ERCC1: variants seen among roughly 807,000 people sequenced by gnomAD.
ERCC1 encodes DNA excision repair protein ERCC-1.
In ERCC1, 36 loss-of-function variants were observed where a neutral mutation model predicts 37.6. That is an observed-to-expected ratio of 0.96 (90% CI 0.73 to 1.26). The LOEUF (loss-of-function observed/expected upper bound fraction) is 1.26, where lower values mean the gene tolerates loss of function less well. Among genes scored for constraint, ERCC1 ranks in the 50% most tolerant of loss-of-function variants. The pLI, the probability that ERCC1 is intolerant of heterozygous loss-of-function variation, is 0.00. For synonymous variants in ERCC1, 156 were observed against 162.1 expected, an observed-to-expected ratio of 0.96 and a Z score of 0.28; for missense variants, 349 against 376.5, an observed-to-expected ratio of 0.93 and a Z score of 0.60.
chr19:45,415,959 G>C (rs1974046202), intron 6 of ERCC1: 11 of 348,498 alleles, frequency 3.2e-5, no homozygotes, highest in South Asian at 2.3e-4. Context: ...AACATAGCAA[G>C]GTGTTGTCTC....
rs571820243 is a variant in ERCC1 at position 45,420,111 on chromosome 19, C to T, written c.425+213G>A. Reference sequence around the variant, plus strand: ...GGAGTCCGGCCCCCAGCCCCTCCTTCCTGAGACCCAGGAGTTCGGGCTCCA... The same window carrying T: ...GGAGTCCGGCCCCCAGCCCCTCCTTTCTGAGACCCAGGAGTTCGGGCTCCA... On this transcript the variant is annotated intron_variant, in intron 4 of 9. Coordinates refer to ENST00000300853, the MANE Select transcript of ERCC1 (RefSeq NM_001983.4). This position sits in a 1 kb window ranked among gnomAD's most constrained non-coding sequence, Gnocchi z 4.8. Among the ~76,000 whole-genome samples the T allele has an allele frequency of 1.7e-3, 253 of 152,146 alleles. No individual in the cohort carries two copies. Among genetic ancestry groups the T allele is most frequent in the African/African-American group, 6.0e-3 (247 of 41,510 alleles).
At chr19:45,422,760 A>AAAATAAATAAAT (rs369407760) in intron 2 of ERCC1, among the ~76,000 whole-genome samples, 17 of 151,854 alleles carry the variant, frequency 1.1e-4, no homozygotes, top group African/African-American at 3.9e-4. Flanking sequence ...CTGTCTCAAA[A>AAAATAAATAAAT]AAATAAATAA....
chr19:45,430,109 C>T (rs934372890), intron 1 of ERCC1, among the ~76,000 whole-genome samples: 15 of 152,280 alleles, frequency 9.9e-5, no homozygotes, highest in Middle Eastern at 3.4e-3. Flanking sequence ...ATAAAAACTC[C>T]GTGACCCACT....
chr19:45,417,941 C>T (rs556952110), intron 5 of ERCC1, among the ~76,000 whole-genome samples: 2 of 152,238 alleles, frequency 1.3e-5, no homozygotes, highest in East Asian at 1.9e-4. Context: ...ATCCTCCTGC[C>T]TCAGCCTCTC....
chr19:45,428,445 C>T (rs1364919448), upstream of ERCC1, among the ~76,000 whole-genome samples: 4 of 152,122 alleles, frequency 2.6e-5, no homozygotes, highest in South Asian at 2.1e-4. Context: ...TCGAATCTCC[C>T]CGGCTCCCAG....
At chr19:45,432,372 G>A (rs1240498272) in intron 1 of ERCC1, among the ~76,000 whole-genome samples, 2 of 151,512 alleles carry the variant, frequency 1.3e-5, no homozygotes, top group Admixed American at 6.6e-5. Context: ...TCAAACTCAA[G>A]CGATACTTCC....
intron 1 of ERCC1, among the ~76,000 whole-genome samples, chr19:45,445,951 T>C (rs890453609): frequency 2.6e-5 from 4 of 152,096 alleles, no homozygotes; most frequent in Admixed American, 6.6e-5. Context: ...TGCAATGGCG[T>C]GGTCTCGGCT....
At chr19:45,414,246 C>T (rs1483559557) in intron 7 of ERCC1, 11 of 601,024 alleles carry the variant, frequency 1.8e-5, no homozygotes, top group Admixed American at 7.7e-5. Flanking sequence ...GAGGCCGAGG[C>T]GGGAGGATCA....
intron 9 of ERCC1, 128 bp from the exon 10 acceptor site, chr19:45,409,853 ACAAT>A: frequency 1.6e-6 from 1 of 634,902 alleles, no homozygotes; most frequent in Non-Finnish European, 2.9e-6. Context: ...TGAGTTACAA[ACAAT>A]CCAGTTACAA....
At chr19:45,432,855 T>A (rs1215503090) in intron 1 of ERCC1, among the ~76,000 whole-genome samples, 1 of 151,966 alleles carries the variant, frequency 6.6e-6, no homozygotes, top group East Asian at 1.9e-4. Flanking sequence ...TCACGTGAGG[T>A]TGGGAGTTCG....
chr19:45,413,728 G>C lies in ERCC1; in HGVS notation c.792C>G (p.Ile264Met), dbSNP rs3212976. The change falls in exon 9 of 10, where the codon ATC becomes ATG. Residue 264 changes from isoleucine to methionine, a missense_variant. By Grantham distance (10) the Ile-to-Met change is conservative. Coordinates refer to ENST00000300853, the MANE Select transcript of ERCC1 (RefSeq NM_001983.4). ...AGGCCAGATCTTCTCTTGATGCGGCGATGAGCTGTTCCAGAGACTGAAAGG... is the reference window on the plus strand; with the variant it reads ...AGGCCAGATCTTCTCTTGATGCGGCCATGAGCTGTTCCAGAGACTGAAAGG... ...LTTFGSLEQL[I>M]AASREDLALC... is the part of the protein sequence containing the mutation. The C allele has an allele frequency of 6.2e-7, 1 of 1,613,594 alleles. No homozygotes were observed. The highest frequency in any genetic ancestry group is 1.3e-5 in the African/African-American group (1 of 74,928).
intron 2 of ERCC1, among the ~76,000 whole-genome samples, chr19:45,422,872 T>G (rs1974524727): frequency 6.6e-6 from 1 of 152,234 alleles, no homozygotes; most frequent in African/African-American, 2.4e-5. Flanking sequence ...ACCCGTCGAT[T>G]GTTTTCCCTT....
Position 45,418,893 on chromosome 19 carries a change from G to T in ERCC1, c.525+205C>A, listed in dbSNP as rs190449762. On this transcript the variant is annotated intron_variant, in intron 5 of 9. Transcript: ENST00000300853. ...AGGTGGCAGAGATCTGGGACTAATT[G>T]AAGGGGATGTGGGGAAAGAGGAAAT... 2.0e-5 allele frequency among the ~76,000 whole-genome samples: 3 copies of T among 152,302 alleles called. No individual in the cohort carries two copies. The East Asian group carries it at 5.8e-4, about 29-fold the overall frequency.
chr19:45,414,965 G>A lies in ERCC1; in HGVS notation c.603-5C>T, dbSNP rs781207666. On this transcript the variant is annotated splice_polypyrimidine_tract_variant and splice_region_variant and intron_variant, in intron 6 of 9. Coordinates refer to ENST00000300853, the MANE Select transcript of ERCC1 (RefSeq NM_001983.4). ...TACCGCCCAGCTTCCTCGGGGCTGG[G>A]ATAACAGGATACAGGGCAGCCGGGA... The A allele has an allele frequency of 5.0e-6, 8 of 1,608,594 alleles. No homozygotes were observed. In the African/African-American group the frequency reaches 5.3e-5, roughly 11 times the overall value.
intron 1 of ERCC1, among the ~76,000 whole-genome samples, chr19:45,446,899 G>A (rs1052763533): frequency 6.6e-6 from 1 of 152,158 alleles, no homozygotes; most frequent in Non-Finnish European, 1.5e-5. Flanking sequence ...TCAGGAGGCT[G>A]AGGCAGGAGA....
At chr19:45,419,380 T>TTG (rs1974264268) in intron 4 of ERCC1, 183 bp from the exon 5 acceptor site, 3 of 605,916 alleles carry the variant, frequency 5.0e-6, no homozygotes, top group Non-Finnish European at 9.0e-6. Flanking sequence ...TCCGCAGGGA[T>TTG]TGGCAGCCAG....
At chr19:45,434,919 G>T (rs953253578) in intron 1 of ERCC1, among the ~76,000 whole-genome samples, 1 of 151,916 alleles carries the variant, frequency 6.6e-6, no homozygotes, top group Non-Finnish European at 1.5e-5. Flanking sequence ...GGGATTACAG[G>T]CATGCACCAC....
chr19:45,441,314 C>CTTG (rs1975113680), intron 1 of ERCC1, among the ~76,000 whole-genome samples: 2 of 152,182 alleles, frequency 1.3e-5, no homozygotes, highest in Non-Finnish European at 2.9e-5. Flanking sequence ...TGACTAAGGT[C>CTTG]TTGGGCCTGG....
chr19:45,420,271 C>T lies in ERCC1; in HGVS notation c.425+53G>A, dbSNP rs1049613575. 6.8e-6 allele frequency: 8 copies of T among 1,182,590 alleles called. No individual in the cohort carries two copies. The highest frequency in any genetic ancestry group is 1.5e-5 in the African/African-American group (1 of 65,230). 73.3% of individuals were successfully genotyped at this position (1,182,590 alleles called of 1,614,324 possible). On this transcript the variant is annotated intron_variant, in intron 4 of 9. Transcript: ENST00000300853. This position sits in a 1 kb window ranked among gnomAD's most constrained non-coding sequence, Gnocchi z 4.8. Reference sequence around the variant, plus strand: ...TCCAGAACACTGGGACATGACCCTCCCAGGCCAGTGGGGTGCCCTTCCTGA... The same window carrying T: ...TCCAGAACACTGGGACATGACCCTCTCAGGCCAGTGGGGTGCCCTTCCTGA...
Sources: gnomAD v4.1 joint callset for allele counts (sites outside exome capture counted in the v4.1 genomes callset) on GRCh38, gnomAD v4.1.1 for gene constraint, Gnocchi (gnomAD v3.1) non-coding constraint, MANE v1.5 for transcripts, NCBI Gene and HGNC (gene_info 2026-07-23, HGNC 2026-07-21) for gene names.